The following RGS6 variants were observed in gnomAD, a reference collection of about 807,000 sequenced individuals.
RGS6 encodes the protein regulator of G protein signaling 6.
RGS6 carries 30 observed loss-of-function variants against 78.5 expected under a neutral mutation model. That is an observed-to-expected ratio of 0.38 (90% CI 0.29 to 0.52). The LOEUF (loss-of-function observed/expected upper bound fraction) is 0.52, where lower values mean the gene tolerates loss of function less well. Among genes scored for constraint, RGS6 ranks in the 20% least tolerant of loss-of-function variants. The pLI, the probability that RGS6 is intolerant of heterozygous loss-of-function variation, is 0.85. For missense variants in RGS6, 495 were observed against 609.7 expected (o/e 0.81, Z 1.98); for synonymous variants, 206 against 206.0 (o/e 1.00, Z 0.00).
intron 2 of RGS6, among the ~76,000 whole-genome samples, chr14:72,159,560 G>A (rs1284338946): frequency 6.6e-6 from 1 of 152,210 alleles, no homozygotes; most frequent in African/African-American, 2.4e-5. Context: ...GGCAGTCTTT[G>A]AATGTGATGT....
intron 3 of RGS6, among the ~76,000 whole-genome samples, chr14:72,444,562 T>C (rs2095309922): frequency 6.6e-6 from 1 of 152,240 alleles, no homozygotes; most frequent in Non-Finnish European, 1.5e-5. Context: ...CCTTTCTCGG[T>C]CTGGGGTCTT....
chr14:72,343,266 T>A (rs2077364397), intron 2 of RGS6, among the ~76,000 whole-genome samples: 1 of 152,212 alleles, frequency 6.6e-6, no homozygotes, highest in Non-Finnish European at 1.5e-5. Context: ...TAATCTTTTT[T>A]CTTGCCTTTT....
intron 2 of RGS6, among the ~76,000 whole-genome samples, chr14:72,039,497 T>C (rs754564213): frequency 1.4e-4 from 21 of 152,208 alleles, no homozygotes; most frequent in Non-Finnish European, 2.6e-4. Context: ...TGTCTAATAT[T>C]GGTATAGCTA....
chr14:71,999,694 A>T (rs1595884283), intron 2 of RGS6, among the ~76,000 whole-genome samples: 1 of 152,066 alleles, frequency 6.6e-6, no homozygotes, highest in African/African-American at 2.4e-5. Context: ...TGGTTGTTTA[A>T]AAGTGTGTAG....
At chr14:72,292,225 T>G (rs1288094294) in intron 2 of RGS6, among the ~76,000 whole-genome samples, 1 of 152,352 alleles carries the variant, frequency 6.6e-6, no homozygotes, top group East Asian at 1.9e-4. Flanking sequence ...AGCGTAGACT[T>G]GACACCCCTG....
At chr14:72,518,283 G>A in intron 14 of RGS6, 68 bp from the exon 15 acceptor site, 1 of 1,483,334 alleles carries the variant, frequency 6.7e-7, no homozygotes, top group Non-Finnish European at 9.3e-7. Context: ...ATCAGCTCTG[G>A]GGCCATCTCA....
At chr14:72,100,169 G>A (rs1597549526) in intron 2 of RGS6, among the ~76,000 whole-genome samples, 1 of 152,270 alleles carries the variant, frequency 6.6e-6, no homozygotes, top group Non-Finnish European at 1.5e-5. Flanking sequence ...AAAGACGGGA[G>A]TGATTTCCAG....
chr14:71,898,354 A>G, the RGS6 span, among the ~76,000 whole-genome samples: 1 of 152,056 alleles, frequency 6.6e-6, no homozygotes, highest in Non-Finnish European at 1.5e-5. Flanking sequence ...AATTACTTTT[A>G]ATTGTTTGTT....
At chr14:72,578,284 T>TA in the RGS6 span, among the ~76,000 whole-genome samples, 1 of 152,212 alleles carries the variant, frequency 6.6e-6, no homozygotes, top group Non-Finnish European at 1.5e-5. Flanking sequence ...ATGCCTCCCT[T>TA]GATGGCACCC....
At chr14:72,140,520 A>G (rs143877305) in intron 2 of RGS6, among the ~76,000 whole-genome samples, 269 of 152,298 alleles carry the variant, frequency 1.8e-3, no homozygotes, top group African/African-American at 5.7e-3. Context: ...CTGTCATCTT[A>G]GAGGGCTAGG....
intron 2 of RGS6, among the ~76,000 whole-genome samples, chr14:72,166,836 C>T (rs1171630160): frequency 6.6e-6 from 1 of 152,178 alleles, no homozygotes; most frequent in Non-Finnish European, 1.5e-5. Flanking sequence ...CAAACGTACT[C>T]ACTATATTGT....
At chr14:72,423,648 TA>T (rs2094305924) in intron 3 of RGS6, among the ~76,000 whole-genome samples, 1 of 113,028 alleles carries the variant, frequency 8.8e-6, no homozygotes, top group African/African-American at 3.4e-5. Context: ...AAGATAATAG[TA>T]ACTGACACTG....
At chr14:71,936,030 A>ATATATATACATATATATATATATATATG (rs781759305) in intron 1 of RGS6, among the ~76,000 whole-genome samples, 10,015 of 133,028 alleles carry the variant, frequency 0.075, 835 homozygotes, top group Non-Finnish European at 0.11. Flanking sequence ...ATATATATAT[A>ATATATATACATATATATATATATATATG]TATATATATA....
intron 2 of RGS6, among the ~76,000 whole-genome samples, chr14:72,156,160 C>T (rs2096767313): frequency 6.6e-6 from 1 of 152,138 alleles, no homozygotes; most frequent in South Asian, 2.1e-4. Flanking sequence ...CAAAATAGTG[C>T]TGGCTGGCTG....
chr14:71,873,561 G>C, the RGS6 span, among the ~76,000 whole-genome samples: 3 of 152,166 alleles, frequency 2.0e-5, no homozygotes, highest in Admixed American at 2.0e-4. Context: ...CAGATGGGTA[G>C]ATTGCAAAAA....
intron 3 of RGS6, among the ~76,000 whole-genome samples, chr14:72,380,665 A>AAAATAAC (rs1460905845): frequency 6.6e-6 from 1 of 152,124 alleles, no homozygotes; most frequent in African/African-American, 2.4e-5. Context: ...CATAAAGACA[A>AAAATAAC]AAATAACAAA....
chr14:72,036,200 A>ATATTATTATTATTATTATTATTAT (rs3053081), intron 2 of RGS6, among the ~76,000 whole-genome samples: 1 of 146,798 alleles, frequency 6.8e-6, no homozygotes. Context: ...GCATGTAAAC[A>ATATTATTATTATTATTATTATTAT]TATTATTATT....
At chr14:71,917,086 G>A in the RGS6 span, among the ~76,000 whole-genome samples, 2 of 152,216 alleles carry the variant, frequency 1.3e-5, no homozygotes, top group Non-Finnish European at 2.9e-5. Context: ...GCACTCATGG[G>A]TCAGGCTGCT....
chr14:72,374,822 C>A (rs2084293880), intron 3 of RGS6, among the ~76,000 whole-genome samples: 1 of 152,160 alleles, frequency 6.6e-6, no homozygotes, highest in African/African-American at 2.4e-5. Flanking sequence ...TCTGCAGTTC[C>A]ATATGCTTAA....
Sources: gnomAD v4.1 joint callset for allele counts (sites outside exome capture counted in the v4.1 genomes callset) on GRCh38, gnomAD v4.1.1 for gene constraint, MANE v1.5 for transcripts, NCBI Gene and HGNC (gene_info 2026-07-23, HGNC 2026-07-21) for gene names.